CEP170: variants seen among roughly 807,000 people sequenced by gnomAD.
CEP170 encodes centrosomal protein 170.
Under a neutral mutation model 151.9 loss-of-function variants are expected in CEP170, and 21 were observed. The ratio of observed to expected loss-of-function variants is 0.14; its 90% CI spans 0.10 to 0.20. CEP170 has a LOEUF of 0.20. Among genes scored for constraint, CEP170 ranks in the 10% least tolerant of loss-of-function variants. The pLI is 1.00. For missense variants in CEP170, 964 were observed against 1,892.9 expected (o/e 0.51, Z 9.11); for synonymous variants, 356 against 648.8 (o/e 0.55, Z 6.86).
At chr1:243,146,515 GTTT>G (rs1046940593) in intron 14 of CEP170, among the ~76,000 whole-genome samples, 1 of 152,118 alleles carries the variant, frequency 6.6e-6, no homozygotes, top group Non-Finnish European at 1.5e-5. Flanking sequence ...GCTAAAAAAT[GTTT>G]TTTATTTCCA....
intron 7 of CEP170, among the ~76,000 whole-genome samples, chr1:243,195,398 T>C (rs1422867094): frequency 6.6e-6 from 1 of 151,992 alleles, no homozygotes; most frequent in African/African-American, 2.4e-5. Flanking sequence ...CGATTAAAAA[T>C]AGTCACACAA....
At chr1:243,133,964 T>C (rs1457170137) in intron 17 of CEP170, among the ~76,000 whole-genome samples, 1 of 152,224 alleles carries the variant, frequency 6.6e-6, no homozygotes, top group African/African-American at 2.4e-5. Flanking sequence ...ATTATAAGCC[T>C]TAAAATTTTT....
chr1:243,218,879 A>G (rs1285048315), intron 3 of CEP170, among the ~76,000 whole-genome samples: 1 of 152,156 alleles, frequency 6.6e-6, no homozygotes, highest in Admixed American at 6.5e-5. Context: ...AACTTAGGTA[A>G]TTTGTCCAAG....
intron 12 of CEP170, 41 bp downstream of exon 12, chr1:243,169,586 GA>G (rs2058690611): frequency 6.6e-7 from 1 of 1,506,722 alleles, no homozygotes; most frequent in African/African-American, 1.4e-5. Flanking sequence ...TGGAGAAAGA[GA>G]AGAAAAAAGG....
chr1:243,131,760 T>C (rs1022421890), intron 17 of CEP170, among the ~76,000 whole-genome samples: 1 of 152,192 alleles, frequency 6.6e-6, no homozygotes, highest in African/African-American at 2.4e-5. Context: ...ATATTCAGAT[T>C]ATATTATAGA....
chr1:243,185,679 C>T lies in CEP170; in HGVS notation c.1566+100G>A. ...ACAAAACCCTAAAATTCACATACCACTGACTGCATGACAACATCTCATGCT... is the reference window on the plus strand; with the variant it reads ...ACAAAACCCTAAAATTCACATACCATTGACTGCATGACAACATCTCATGCT... On this transcript the variant is annotated intron_variant, in intron 10 of 19. Coordinates refer to ENST00000366542, the MANE Select transcript of CEP170 (RefSeq NM_014812.3). The surrounding 1 kb of genome is among the most constrained non-coding windows in gnomAD (Gnocchi z 4.9). 2.8e-6 allele frequency: 4 copies of T among 1,435,576 alleles called. No individual in the cohort carries two copies. Among genetic ancestry groups the T allele is most frequent in the Non-Finnish European group, 3.8e-6 (4 of 1,063,734 alleles). The allele number at this position is 1,435,576 out of a possible 1,614,324, so 88.9% of individuals were successfully genotyped here.
intron 14 of CEP170, among the ~76,000 whole-genome samples, chr1:243,143,736 A>G (rs1367812156): frequency 6.6e-6 from 1 of 151,166 alleles, no homozygotes; most frequent in African/African-American, 2.4e-5. Context: ...TTAAAAAGAA[A>G]AAAAAAAAAA....
intron 1 of CEP170, among the ~76,000 whole-genome samples, chr1:243,250,765 T>C (rs2065865440): frequency 1.3e-5 from 2 of 151,760 alleles, no homozygotes; most frequent in Admixed American, 1.3e-4. Context: ...GTAACATTTC[T>C]CTCTCTCTCT....
intron 2 of CEP170, among the ~76,000 whole-genome samples, chr1:243,222,817 A>T (rs1017946312): frequency 1.3e-5 from 2 of 152,234 alleles, no homozygotes; most frequent in African/African-American, 4.8e-5. Flanking sequence ...AAAAGTAGAG[A>T]GACAAGCAAA....
At chr1:243,156,041 A>T (rs554057769) in intron 14 of CEP170, among the ~76,000 whole-genome samples, 180 bp downstream of exon 14, 1 of 152,238 alleles carries the variant, frequency 6.6e-6, no homozygotes, top group East Asian at 1.9e-4. Flanking sequence ...GTATAGGCAT[A>T]GAAAAAAAAG....
chr1:243,185,161 A>C lies in CEP170; in HGVS notation c.1566+618T>G, dbSNP rs1285671550. On this transcript the variant is annotated intron_variant, in intron 10 of 19. Coordinates refer to ENST00000366542, the MANE Select transcript of CEP170 (RefSeq NM_014812.3). The surrounding 1 kb of genome is among the most constrained non-coding windows in gnomAD (Gnocchi z 4.9). ...ACAATCCTTACACACGCTAACCAAT[A>C]ATATCAAAGAATACACTTGAAATGT... is the stretch of plus-strand genomic sequence containing the variant. 1.3e-5 allele frequency among the ~76,000 whole-genome samples: 2 copies of C among 152,190 alleles called. No individual in the cohort carries two copies. The highest frequency in any genetic ancestry group is 2.9e-5 in the Non-Finnish European group (2 of 68,038).
chr1:243,242,440 G>A (rs570235423), intron 1 of CEP170, among the ~76,000 whole-genome samples: 2 of 151,456 alleles, frequency 1.3e-5, no homozygotes, highest in Non-Finnish European at 1.5e-5. Context: ...GGATGGTCTC[G>A]ATCTCCTGAC....
chr1:243,127,261 G>A (rs1211457489), intron 19 of CEP170, among the ~76,000 whole-genome samples: 3 of 152,164 alleles, frequency 2.0e-5, no homozygotes, highest in African/African-American at 7.2e-5. Flanking sequence ...CTGAGATACA[G>A]GGGTTCCCTC....
At chr1:243,212,995 A>C (rs1283296173) in intron 3 of CEP170, among the ~76,000 whole-genome samples, 1 of 152,242 alleles carries the variant, frequency 6.6e-6, no homozygotes, top group African/African-American at 2.4e-5. Flanking sequence ...CACATAAAAA[A>C]GGAAACAAGA....
chr1:243,129,168 C>T (rs920934788), intron 18 of CEP170, among the ~76,000 whole-genome samples, 192 bp downstream of exon 18: 1 of 152,082 alleles, frequency 6.6e-6, no homozygotes, highest in Non-Finnish European at 1.5e-5. Flanking sequence ...GCTCCTCCTT[C>T]ATACCCTCTG....
Position 243,172,520 on chromosome 1 carries a change from T to C in CEP170, c.1716+177A>G, listed in dbSNP as rs2058923689. ...GGCGGTGCACGCCTGTAATCACAGCTACTTGGGACGCTGAAGCAGGAGAAT... is the reference window on the plus strand; with the variant it reads ...GGCGGTGCACGCCTGTAATCACAGCCACTTGGGACGCTGAAGCAGGAGAAT... On this transcript the variant is annotated intron_variant, in intron 11 of 19. Coordinates refer to ENST00000366542, the MANE Select transcript of CEP170 (RefSeq NM_014812.3). 3.3e-5 allele frequency among the ~76,000 whole-genome samples: 5 copies of C among 152,104 alleles called. No individual in the cohort carries two copies. In the South Asian group the frequency reaches 1.0e-3, roughly 31 times the overall value.
chr1:243,226,016 T>G (rs906107340), intron 1 of CEP170, among the ~76,000 whole-genome samples: 2 of 143,278 alleles, frequency 1.4e-5, no homozygotes, highest in African/African-American at 5.0e-5. Context: ...TCTAGATATA[T>G]ATACACACGT....
rs3766667 is a variant in CEP170 at position 243,144,816 on chromosome 1, A to C, written c.3912-2353T>G. On this transcript the variant is annotated intron_variant, in intron 14 of 19. Transcript: ENST00000366542. ...TCACATTTAATTCCATTTTATTACA[A>C]AATATGGATAAGAAAATAGTGCTGA... 2.2e-4 allele frequency among the ~76,000 whole-genome samples: 34 copies of C among 152,344 alleles called. No homozygotes were observed. The East Asian group carries it at 6.4e-3, about 28-fold the overall frequency.
intron 3 of CEP170, among the ~76,000 whole-genome samples, chr1:243,213,450 T>C (rs1040240651): frequency 6.6e-6 from 1 of 152,122 alleles, no homozygotes; most frequent in Non-Finnish European, 1.5e-5. Context: ...CAGGAAGATA[T>C]TTCATAATTA....
Sources: gnomAD v4.1 joint callset for allele counts (sites outside exome capture counted in the v4.1 genomes callset) on GRCh38, gnomAD v4.1.1 for gene constraint, Gnocchi (gnomAD v3.1) non-coding constraint, MANE v1.5 for transcripts, NCBI Gene and HGNC (gene_info 2026-07-23, HGNC 2026-07-21) for gene names.